SHANK2: variants seen among roughly 807,000 people sequenced by gnomAD.
The protein encoded by SHANK2 is SH3 and multiple ankyrin repeat domains 2, also known as SH3 and multiple ankyrin repeat domains protein 2.
SHANK2 carries 43 observed loss-of-function variants against 133.7 expected under a neutral mutation model. That is an observed-to-expected ratio of 0.32 (90% CI 0.25 to 0.41). The LOEUF (loss-of-function observed/expected upper bound fraction) is 0.41, where lower values mean the gene tolerates loss of function less well. SHANK2 is among the 10% of genes least tolerant of loss of function. The pLI, the probability that SHANK2 is intolerant of heterozygous loss-of-function variation, is 1.00. For synonymous variants in SHANK2, 1,017 were observed against 952.8 expected (o/e 1.07, Z -1.24); for missense variants, 1,994 against 2,235.8 (o/e 0.89, Z 2.18).
intron 1 of SHANK2, among the ~76,000 whole-genome samples, chr11:71,226,132 A>G (rs1346555539): frequency 6.6e-6 from 1 of 152,224 alleles, no homozygotes; most frequent in Non-Finnish European, 1.5e-5. Flanking sequence ...ACAAAAAAAG[A>G]AAAGAAAATG....
At position 70,486,405 on chromosome 11, in the gene SHANK2, C is replaced by G. The variant is rs782037330; in HGVS notation, c.3888G>C (p.Lys1296Asn). The G allele has an allele frequency of 4.8e-5, 77 of 1,613,850 alleles. No homozygotes were observed. Among genetic ancestry groups the G allele is most frequent in the Non-Finnish European group, 5.8e-5 (69 of 1,179,980 alleles). The change falls in exon 25 of 26, where the codon AAG (lysine) becomes AAC (asparagine). Residue 1296 changes from lysine (K) to asparagine (N), a missense_variant. By Grantham distance (94) the Lys-to-Asn change is moderately conservative. This residue lies in a region of SHANK2 where 797 missense variants were observed against 907.4 expected (regional missense o/e 0.88). Coordinates refer to ENST00000601538, the MANE Select transcript of SHANK2 (RefSeq NM_012309.5). The surrounding 1 kb of genome is among the most constrained non-coding windows in gnomAD (Gnocchi z 8.0). ...LGRDRKGDDK[K>N]NMLIDIMDTS... ...TGTCCATGATGTCGATCAGCATGTTCTTCTTGTCATCGCCTTTCCGGTCTC... is the reference window on the plus strand; with the variant it reads ...TGTCCATGATGTCGATCAGCATGTTGTTCTTGTCATCGCCTTTCCGGTCTC...
chr11:70,937,962 T>C (rs535033963), intron 10 of SHANK2, among the ~76,000 whole-genome samples: 2 of 152,298 alleles, frequency 1.3e-5, no homozygotes, highest in East Asian at 1.9e-4. Flanking sequence ...TGTGTGTGTG[T>C]GCATGTGTGA....
chr11:71,185,857 C>A (rs1953658755), intron 2 of SHANK2, among the ~76,000 whole-genome samples: 2 of 151,348 alleles, frequency 1.3e-5, no homozygotes, highest in African/African-American at 4.9e-5. Context: ...TGACGAGACA[C>A]CAATTTGGGG....
chr11:71,112,921 T>C (rs1555099651), intron 5 of SHANK2, among the ~76,000 whole-genome samples: 1 of 152,154 alleles, frequency 6.6e-6, no homozygotes, highest in Non-Finnish European at 1.5e-5. Context: ...TAACAAGGTT[T>C]TTCCTGAAGC....
In SHANK2 at chr11:70,473,239, G is replaced by A; in HGVS notation, c.5180C>T (p.Ser1727Phe). 6.2e-7 allele frequency: 1 copy of A among 1,610,524 alleles called. No individual in the cohort carries two copies. The highest frequency in any genetic ancestry group is 8.5e-7 in the Non-Finnish European group (1 of 1,177,006). ...MNKETLPAPL[S>F]AATASPSPAL... ...GGGAGAAGGAGAGGCGGTGGCAGCA[G>A]ACAGGGGGGCGGGCAGGGTCTCTTT... The change falls in exon 26 of 26, where the codon TCT (serine) becomes TTT (phenylalanine). Residue 1727 changes from serine (S) to phenylalanine (F), a missense_variant. Coordinates refer to ENST00000601538, the MANE Select transcript of SHANK2 (RefSeq NM_012309.5). The surrounding 1 kb of genome is among the most constrained non-coding windows in gnomAD (Gnocchi z 5.9).
intron 22 of SHANK2, among the ~76,000 whole-genome samples, chr11:70,490,734 G>A (rs2058874530): frequency 6.6e-6 from 1 of 152,232 alleles, no homozygotes; most frequent in Non-Finnish European, 1.5e-5. Context: ...TGTCCTGTGG[G>A]AAAGGGCACA....
intron 2 of SHANK2, among the ~76,000 whole-genome samples, chr11:71,197,647 TTTTA>T (rs1296376464): frequency 1.3e-5 from 2 of 152,152 alleles, no homozygotes; most frequent in Admixed American, 6.5e-5. Context: ...CTGGCAGGCA[TTTTA>T]TTTATTTATT....
chr11:70,780,307 G>A (rs1947453491), intron 14 of SHANK2, among the ~76,000 whole-genome samples: 1 of 152,096 alleles, frequency 6.6e-6, no homozygotes, highest in Non-Finnish European at 1.5e-5. Context: ...GGAAGGGAGA[G>A]GCCCTGGGTC....
intron 2 of SHANK2, among the ~76,000 whole-genome samples, chr11:71,198,120 AT>A (rs1329989201): frequency 2.2e-4 from 32 of 148,220 alleles, no homozygotes; most frequent in African/African-American, 2.7e-4. Context: ...CTTTTAATTA[AT>A]TTTTTTTTTT....
chr11:71,167,015 A>C (rs1292858598), intron 2 of SHANK2, among the ~76,000 whole-genome samples: 1 of 148,076 alleles, frequency 6.8e-6, no homozygotes, highest in African/African-American at 2.4e-5. Context: ...GCCTTCAAGC[A>C]TCTGTTTAAC....
intron 10 of SHANK2, among the ~76,000 whole-genome samples, chr11:70,941,642 A>G (rs879948567): frequency 1.3e-5 from 2 of 152,076 alleles, no homozygotes; most frequent in Non-Finnish European, 2.9e-5. Context: ...AAGAAGAGGC[A>G]CCAGAGAGCC....
At chr11:71,085,598 A>G (rs1951373324) in intron 8 of SHANK2, among the ~76,000 whole-genome samples, 2 of 83,824 alleles carry the variant, frequency 2.4e-5, no homozygotes, top group South Asian at 6.0e-4. Flanking sequence ...TATATAATAT[A>G]TATATTAAAT....
intron 11 of SHANK2, among the ~76,000 whole-genome samples, chr11:70,827,278 T>A (rs1400272322): frequency 6.7e-6 from 1 of 148,896 alleles, no homozygotes; most frequent in East Asian, 2.0e-4. Context: ...TTTTTTTTTT[T>A]AAAGAGAGAG....
chr11:70,715,446 C>T (rs1394710911), intron 14 of SHANK2, among the ~76,000 whole-genome samples: 3 of 152,186 alleles, frequency 2.0e-5, no homozygotes, highest in African/African-American at 7.2e-5. Flanking sequence ...TCTTGCAGCT[C>T]TCGGGCCAAG....
intron 14 of SHANK2, among the ~76,000 whole-genome samples, chr11:70,714,726 T>G (rs782813244): frequency 5.3e-5 from 8 of 152,078 alleles, no homozygotes; most frequent in Non-Finnish European, 1.0e-4. Context: ...GGTCACCCCA[T>G]GGCCTCTGGC....
At chr11:70,688,782 A>G (rs782319181) in intron 15 of SHANK2, among the ~76,000 whole-genome samples, 1 of 152,016 alleles carries the variant, frequency 6.6e-6, no homozygotes, top group Non-Finnish European at 1.5e-5. Context: ...CCCATCAGAG[A>G]GCCTCCTCCC....
chr11:70,738,197 C>T (rs373143087), intron 14 of SHANK2, among the ~76,000 whole-genome samples: 1 of 152,274 alleles, frequency 6.6e-6, no homozygotes, highest in South Asian at 2.1e-4. Flanking sequence ...AGCAATGCCA[C>T]GAGTTTCAAA....
At chr11:70,723,003 T>C (rs559604463) in intron 14 of SHANK2, among the ~76,000 whole-genome samples, 1 of 152,342 alleles carries the variant, frequency 6.6e-6, no homozygotes, top group South Asian at 2.1e-4. Context: ...TTCTGCCTGG[T>C]CCCTCATCTC....
At position 70,486,645 on chromosome 11, in the gene SHANK2, C is replaced by T; in HGVS notation, c.3648G>A (p.Leu1216=). 6.2e-7 allele frequency: 1 copy of T among 1,612,632 alleles called. No homozygotes were observed. ...GGTCCCTTGCGGAGAGTGCCAGGGC[C>T]AGCGGGGAGCTGGGATCAAGCAGCC... ...TGRLLDPSSP[L]ALALSARDRA... is the part of the protein sequence containing the mutation. Residue 1216 remains leucine (L), a synonymous_variant, in exon 25 of 26, where the codon CTG becomes CTA. Coordinates refer to ENST00000601538, the MANE Select transcript of SHANK2 (RefSeq NM_012309.5). The surrounding 1 kb of genome is among the most constrained non-coding windows in gnomAD (Gnocchi z 8.0).
Sources: allele counts gnomAD v4.1 joint callset (sites outside exome capture counted in the v4.1 genomes callset), GRCh38; gene constraint gnomAD v4.1.1; regional missense constraint gnomAD v4.1.1; non-coding constraint Gnocchi (gnomAD v3.1); transcripts MANE v1.5; gene names NCBI Gene and HGNC (gene_info 2026-07-23, HGNC 2026-07-21).